Variants in RAB31 observed in about 807,000 individuals in gnomAD.
RAB31 encodes the protein ras-related protein Rab-31.
RAB31 carries 21 observed loss-of-function variants against 25.6 expected under a neutral mutation model. The observed-to-expected ratio is 0.82, with a 90% CI of 0.58 to 1.18. RAB31 has a LOEUF of 1.18. RAB31 is among the 50% of genes most tolerant of loss of function. The pLI is 0.00. For synonymous variants in RAB31, 87 were observed against 84.0 expected (o/e 1.04, Z -0.20); for missense variants, 196 against 250.1 (o/e 0.78, Z 1.46).
At chr18:9,732,179 C>G (rs1393036614) in intron 1 of RAB31, among the ~76,000 whole-genome samples, 1 of 152,230 alleles carries the variant, frequency 6.6e-6, no homozygotes, top group Non-Finnish European at 1.5e-5. Flanking sequence ...CCAGCATGGG[C>G]TCTGCTCTGC....
At position 9,862,047 on chromosome 18, in the gene RAB31, A is replaced by G. The variant is rs2068851073; in HGVS notation, c.*2722A>G. 6.6e-6 allele frequency: 1 copy of G among 152,654 alleles called. No individual in the cohort carries two copies. Among genetic ancestry groups the G allele is most frequent in the South Asian group, 2.1e-4 (1 of 4,832 alleles). The allele number at this position is 152,654 out of a possible 1,614,324, so 9.5% of individuals were successfully genotyped here. A position where few individuals can be genotyped will look rare whatever the true frequency, so the allele number is the denominator to read the frequency against. On this transcript the variant is annotated 3_prime_UTR_variant, in exon 7 of 7. Coordinates refer to ENST00000578921, the MANE Select transcript of RAB31 (RefSeq NM_006868.4). ...GAAGGCCCGAAACTAACTTTTAGCT[A>G]ACAATAAGGGCTGTGCCCCAATGGA...
chr18:9,816,301 A>T (rs1262735048), intron 5 of RAB31: 5 of 171,278 alleles, frequency 2.9e-5, no homozygotes, highest in African/African-American at 1.2e-4. Context: ...TACAGATCTG[A>T]TGTACCATAC....
intron 6 of RAB31, among the ~76,000 whole-genome samples, chr18:9,847,025 A>G (rs1181628109): frequency 6.6e-6 from 1 of 152,142 alleles, no homozygotes; most frequent in Non-Finnish European, 1.5e-5. Flanking sequence ...TGAATGGCTG[A>G]ACTCTAGCAG....
chr18:9,716,882 C>A (rs2068046686), intron 1 of RAB31, among the ~76,000 whole-genome samples: 1 of 151,570 alleles, frequency 6.6e-6, no homozygotes, highest in African/African-American at 2.4e-5. Context: ...GTAGCTGGGA[C>A]TACAGGCGTG....
chr18:9,808,649 T>C (rs1171857014), intron 3 of RAB31, among the ~76,000 whole-genome samples: 1 of 152,246 alleles, frequency 6.6e-6, no homozygotes, highest in Non-Finnish European at 1.5e-5. Context: ...CTTTTTGGCA[T>C]CTGCCCTTGA....
intron 2 of RAB31, chr18:9,785,198 A>G (rs2068425719): frequency 1.9e-5 from 3 of 155,800 alleles, no homozygotes; most frequent in East Asian, 3.7e-4. Flanking sequence ...AGCATCCTCT[A>G]TACAGGGACC....
At chr18:9,763,598 A>T (rs957691391) in intron 1 of RAB31, among the ~76,000 whole-genome samples, 5 of 85,140 alleles carry the variant, frequency 5.9e-5, no homozygotes, top group African/African-American at 1.8e-4. Context: ...TAAAGAAAAA[A>T]ATTATATATA....
intron 5 of RAB31, among the ~76,000 whole-genome samples, chr18:9,833,198 G>A (rs1181334565): frequency 1.3e-5 from 2 of 152,254 alleles, no homozygotes; most frequent in South Asian, 2.1e-4. Context: ...GATGGCTGCT[G>A]TATCCACTGA....
intron 1 of RAB31, among the ~76,000 whole-genome samples, chr18:9,734,313 C>A (rs1429019950): frequency 6.6e-6 from 1 of 152,164 alleles, no homozygotes. Context: ...TTGCTCAGGG[C>A]CCCGCAGCCA....
intron 6 of RAB31, among the ~76,000 whole-genome samples, chr18:9,851,908 A>G (rs535414340): frequency 6.7e-4 from 101 of 151,332 alleles, no homozygotes; most frequent in Non-Finnish European, 1.1e-3. Context: ...TTCATAATAT[A>G]TTTCAATATC....
chr18:9,737,172 A>G (rs1046197290), intron 1 of RAB31, among the ~76,000 whole-genome samples: 6 of 152,160 alleles, frequency 3.9e-5, no homozygotes, highest in African/African-American at 9.7e-5. Context: ...AAAAATTCCA[A>G]TCAGATACCA....
In RAB31 at chr18:9,817,405, T is replaced by C. The variant is rs140415389; in HGVS notation, c.380+2183T>C. ...AGGGGAATTTATTGGAAGATACTGG[T>C]AATCCACATGGTAAAAACAGAACTG... On this transcript the variant is annotated intron_variant, in intron 5 of 6. Transcript: ENST00000578921. Among the ~76,000 whole-genome samples, 1,210 of 152,296 alleles carry C rather than the reference T, an allele frequency of 7.9e-3. 6 individuals are homozygous for C. The highest frequency in any genetic ancestry group is 0.051 in the Middle Eastern group (15 of 294).
intron 5 of RAB31, among the ~76,000 whole-genome samples, chr18:9,843,808 TGGGGCC>T (rs2068746719): frequency 1.3e-5 from 2 of 152,186 alleles, no homozygotes; most frequent in Non-Finnish European, 1.5e-5. Flanking sequence ...GCTGAGAGGC[TGGGGCC>T]ATCGCCTTTA....
At chr18:9,796,551 T>C (rs182200821) in intron 3 of RAB31, among the ~76,000 whole-genome samples, 1 of 152,280 alleles carries the variant, frequency 6.6e-6, no homozygotes, top group East Asian at 1.9e-4. Context: ...TTATGTACTT[T>C]CACTTTTACC....
intron 1 of RAB31, among the ~76,000 whole-genome samples, chr18:9,719,336 T>TATATATATATATATATATAA (rs1175080967): frequency 1.2e-5 from 1 of 83,894 alleles, no homozygotes; most frequent in East Asian, 4.6e-4. Flanking sequence ...TATAAATAAA[T>TATATATATATATATATATAA]AAATTTGATC....
chr18:9,775,560 T>TG (rs1555687072), intron 2 of RAB31, among the ~76,000 whole-genome samples: 1 of 151,586 alleles, frequency 6.6e-6, no homozygotes, highest in African/African-American at 2.4e-5. Context: ...ATTTTTTTTT[T>TG]CCTAGTCAGC....
intron 1 of RAB31, among the ~76,000 whole-genome samples, chr18:9,729,457 G>C (rs2068111296): frequency 6.6e-6 from 1 of 152,014 alleles, no homozygotes; most frequent in African/African-American, 2.4e-5. Flanking sequence ...AACCAGGGAG[G>C]GGGAGCTTGC....
intron 5 of RAB31, among the ~76,000 whole-genome samples, chr18:9,834,260 C>CG (rs2068693545): frequency 6.6e-6 from 1 of 152,122 alleles, no homozygotes; most frequent in South Asian, 2.1e-4. Flanking sequence ...GGACTACAGG[C>CG]GCCCGCCACC....
chr18:9,722,556 AT>A (rs2068078547), intron 1 of RAB31, among the ~76,000 whole-genome samples: 1 of 152,204 alleles, frequency 6.6e-6, no homozygotes, highest in African/African-American at 2.4e-5. Context: ...TAATCAATGT[AT>A]CTGTGTCTAT....
Sources: allele counts gnomAD v4.1 joint callset (sites outside exome capture counted in the v4.1 genomes callset), GRCh38; gene constraint gnomAD v4.1.1; transcripts MANE v1.5; gene names NCBI Gene and HGNC (gene_info 2026-07-23, HGNC 2026-07-21).